Variants in DMRT1 observed in about 807,000 individuals in gnomAD.
DMRT1 encodes doublesex- and mab-3-related transcription factor 1.
A neutral mutation model predicts 32.3 loss-of-function variants in DMRT1; 7 were observed. The observed-to-expected ratio is 0.22, with a 90% CI of 0.12 to 0.41. DMRT1 has a LOEUF of 0.41. DMRT1 is among the 10% of genes least tolerant of loss of function. The pLI, the probability that DMRT1 is intolerant of heterozygous loss-of-function variation, is 1.00. For missense variants in DMRT1, 625 were observed against 500.5 expected (o/e 1.25, Z -2.37); for synonymous variants, 278 against 206.1 (o/e 1.35, Z -2.99).
At chr9:892,302 C>G (rs570932255) in intron 2 of DMRT1, among the ~76,000 whole-genome samples, 7 of 152,252 alleles carry the variant, frequency 4.6e-5, no homozygotes, top group Non-Finnish European at 2.9e-5. Context: ...TCCTCCCTTC[C>G]TTGCCCAGAT....
At chr9:851,347 T>G (rs1839144717) in intron 2 of DMRT1, among the ~76,000 whole-genome samples, 6 of 152,120 alleles carry the variant, frequency 3.9e-5, no homozygotes, top group Admixed American at 3.9e-4. Flanking sequence ...CAGACGATTC[T>G]CTCACCTCAG....
intron 4 of DMRT1, among the ~76,000 whole-genome samples, chr9:927,466 C>T (rs1818565907): frequency 6.6e-6 from 1 of 152,210 alleles, no homozygotes; most frequent in Non-Finnish European, 1.5e-5. Flanking sequence ...TACAGTATAT[C>T]ATTGCCCGGC....
intron 2 of DMRT1, among the ~76,000 whole-genome samples, chr9:886,419 C>T (rs958920391): frequency 2.6e-5 from 4 of 152,116 alleles, no homozygotes; most frequent in African/African-American, 9.7e-5. Flanking sequence ...GATACACGCC[C>T]GGCTAGTTTT....
intron 2 of DMRT1, among the ~76,000 whole-genome samples, chr9:892,516 G>A (rs970719600): frequency 3.9e-5 from 6 of 151,956 alleles, no homozygotes; most frequent in South Asian, 2.1e-4. Flanking sequence ...GTTCTGTTGC[G>A]TTTCATCCCC....
intron 4 of DMRT1, among the ~76,000 whole-genome samples, chr9:929,818 A>G (rs1818650288): frequency 1.3e-5 from 2 of 152,162 alleles, no homozygotes; most frequent in Non-Finnish European, 2.9e-5. Flanking sequence ...TGGCTCAGTC[A>G]GTAAACAAGT....
intron 2 of DMRT1, among the ~76,000 whole-genome samples, chr9:854,779 T>TA: frequency 7.9e-6 from 1 of 126,810 alleles, no homozygotes; most frequent in East Asian, 2.8e-4. Flanking sequence ...CTCCTTTTTT[T>TA]TTTTGAAACA....
At chr9:871,484 C>T (rs1239160342) in intron 2 of DMRT1, among the ~76,000 whole-genome samples, 4 of 150,218 alleles carry the variant, frequency 2.7e-5, no homozygotes, top group African/African-American at 9.9e-5. Context: ...AGGCATGCGC[C>T]ACCACGCCCG....
At chr9:870,962 A>G (rs1381719476) in intron 2 of DMRT1, among the ~76,000 whole-genome samples, 1 of 150,802 alleles carries the variant, frequency 6.6e-6, no homozygotes, top group Non-Finnish European at 1.5e-5. Flanking sequence ...GATCCTCCTG[A>G]CACCCAAAGT....
chr9:946,020 A>C (rs1375005543), intron 4 of DMRT1, among the ~76,000 whole-genome samples: 1 of 152,146 alleles, frequency 6.6e-6, no homozygotes, highest in Non-Finnish European at 1.5e-5. Flanking sequence ...TGTTTAGTAC[A>C]TGTAGGTCTA....
chr9:876,460 G>T (rs1816503094), intron 2 of DMRT1, among the ~76,000 whole-genome samples: 1 of 151,924 alleles, frequency 6.6e-6, no homozygotes, highest in African/African-American at 2.4e-5. Flanking sequence ...TCCCATGTGA[G>T]TGCTTAAAGT....
chr9:907,394 A>C (rs1229502318), intron 3 of DMRT1, among the ~76,000 whole-genome samples: 1 of 152,172 alleles, frequency 6.6e-6, no homozygotes. Context: ...GGAACTGGAA[A>C]ATCCTGCATA....
chr9:926,226 T>C (rs1036159258), intron 4 of DMRT1, among the ~76,000 whole-genome samples: 1 of 152,250 alleles, frequency 6.6e-6, no homozygotes, highest in African/African-American at 2.4e-5. Context: ...AAGATACCTT[T>C]ATGAGCACAG....
intron 2 of DMRT1, among the ~76,000 whole-genome samples, chr9:858,049 C>T (rs1187077025): frequency 6.6e-6 from 1 of 152,130 alleles, no homozygotes; most frequent in East Asian, 1.9e-4. Flanking sequence ...GGGTTGGTTT[C>T]AAGTCTTTGC....
chr9:912,091 C>T (rs1327892669), intron 3 of DMRT1, among the ~76,000 whole-genome samples: 4 of 152,130 alleles, frequency 2.6e-5, no homozygotes, highest in African/African-American at 7.2e-5. Flanking sequence ...TGTCAGAAGG[C>T]GAAGAAGAAG....
At chr9:957,491 T>C (rs1489089611) in intron 4 of DMRT1, among the ~76,000 whole-genome samples, 1 of 152,246 alleles carries the variant, frequency 6.6e-6, no homozygotes, top group Non-Finnish European at 1.5e-5. Flanking sequence ...TCAGCCCTAA[T>C]GTGAACCATT....
At position 893,796 on chromosome 9, in the gene DMRT1, T is replaced by C. The variant is rs138349050; in HGVS notation, c.539-116T>C. On this transcript the variant is annotated intron_variant, in intron 2 of 4. Coordinates refer to ENST00000382276, the MANE Select transcript of DMRT1 (RefSeq NM_021951.3). ...ATAGGAGAAGCAACAGATGGTTTTG[T>C]CTTCTGCATATTCAGCTACCTTGCT... 9.4e-5 allele frequency: 87 copies of C among 930,310 alleles called. No homozygotes were observed. In the African/African-American group the frequency reaches 1.3e-3, roughly 14 times the overall value. The allele number at this position is 930,310 out of a possible 1,614,324, so 57.6% of individuals were successfully genotyped here.
chr9:940,295 A>G (rs947122131), intron 4 of DMRT1, among the ~76,000 whole-genome samples: 10 of 152,230 alleles, frequency 6.6e-5, no homozygotes, highest in African/African-American at 2.4e-4. Flanking sequence ...CACAGTAGCC[A>G]AAGGGTGGAA....
At chr9:928,618 T>A (rs1338276295) in intron 4 of DMRT1, among the ~76,000 whole-genome samples, 1 of 152,154 alleles carries the variant, frequency 6.6e-6, no homozygotes, top group Non-Finnish European at 1.5e-5. Flanking sequence ...GCTTTGACTC[T>A]TGGAGAACCA....
At chr9:874,801 C>CTTTTTTTTTTTTT (rs71327354) in intron 2 of DMRT1, among the ~76,000 whole-genome samples, 2 of 76,926 alleles carry the variant, frequency 2.6e-5, no homozygotes, top group Non-Finnish European at 4.5e-5. Flanking sequence ...ACAAGTTAAT[C>CTTTTTTTTTTTTT]TTTTTTTTTT....
Sources: gnomAD v4.1 joint callset for allele counts (sites outside exome capture counted in the v4.1 genomes callset) on GRCh38, gnomAD v4.1.1 for gene constraint, MANE v1.5 for transcripts, NCBI Gene and HGNC (gene_info 2026-07-23, HGNC 2026-07-21) for gene names.